The following LRP1B variants were observed in gnomAD, a reference collection of about 807,000 sequenced individuals.
The protein encoded by LRP1B is low-density lipoprotein receptor-related protein 1B.
In LRP1B, 217 loss-of-function variants were observed where a neutral mutation model predicts 556.6. The ratio of observed to expected loss-of-function variants is 0.39; its 90% CI spans 0.35 to 0.44. The LOEUF (loss-of-function observed/expected upper bound fraction) is 0.44, where lower values mean the gene tolerates loss of function less well. Ranked by LOEUF, LRP1B falls within the 20% of genes least tolerant of loss-of-function variation. LRP1B has a pLI of 1.00. For missense variants in LRP1B, 5,053 were observed against 5,620.8 expected, an observed-to-expected ratio of 0.90 and a Z score of 3.23; for synonymous variants, 2,047 against 1,865.8, an observed-to-expected ratio of 1.10 and a Z score of -2.50.
At chr2:141,993,723 G>C (rs1480786692) in intron 1 of LRP1B, among the ~76,000 whole-genome samples, 1 of 152,086 alleles carries the variant, frequency 6.6e-6, no homozygotes, top group Non-Finnish European at 1.5e-5. Context: ...TATAGGTGAA[G>C]GTCTTCCTAA....
intron 18 of LRP1B, among the ~76,000 whole-genome samples, chr2:140,977,723 C>G (rs189948911): frequency 6.6e-6 from 1 of 152,144 alleles, no homozygotes; most frequent in Admixed American, 6.5e-5. Context: ...GAAATGGGGC[C>G]CAGCACTCTG....
intron 2 of LRP1B, among the ~76,000 whole-genome samples, chr2:141,770,027 G>A (rs148021981): frequency 6.6e-6 from 1 of 152,244 alleles, no homozygotes; most frequent in Non-Finnish European, 1.5e-5. Flanking sequence ...ACCTATTAAA[G>A]GACGGCATGA....
Position 142,114,568 on chromosome 2 carries a change from T to C in LRP1B, c.82+16080A>G, listed in dbSNP as rs546201587. Among the ~76,000 whole-genome samples the C allele has an allele frequency of 7.9e-5, 12 of 152,218 alleles. No homozygotes were observed. The South Asian group carries it at 1.0e-3, about 13-fold the overall frequency. ...AACAAAATGTGGTACATATACACAA[T>C]GAAATATTATTCGGTCATGAAAAAT... On this transcript the variant is annotated intron_variant, in intron 1 of 90. Coordinates refer to ENST00000389484, the MANE Select transcript of LRP1B (RefSeq NM_018557.3).
chr2:141,080,139 T>C (rs924455547), intron 7 of LRP1B, among the ~76,000 whole-genome samples: 9 of 152,222 alleles, frequency 5.9e-5, no homozygotes, highest in Admixed American at 1.3e-4. Flanking sequence ...GCAAATAGAT[T>C]GGGCACATAG....
chr2:140,708,078 A>G (rs535407688), intron 37 of LRP1B, among the ~76,000 whole-genome samples: 8 of 152,206 alleles, frequency 5.3e-5, no homozygotes, highest in African/African-American at 1.7e-4. Context: ...GTACCCTCAT[A>G]AAGTCCATTG....
intron 7 of LRP1B, among the ~76,000 whole-genome samples, chr2:141,092,676 T>C (rs933920216): frequency 6.6e-6 from 1 of 152,164 alleles, no homozygotes; most frequent in African/African-American, 2.4e-5. Context: ...GAAGCTGTGA[T>C]GGTACAGCTA....
At chr2:141,071,531 G>A (rs1459761373) in intron 7 of LRP1B, among the ~76,000 whole-genome samples, 2 of 152,116 alleles carry the variant, frequency 1.3e-5, no homozygotes, top group African/African-American at 2.4e-5. Context: ...AGGAAATAAA[G>A]GGTATTCAAT....
chr2:140,398,622 A>G (rs1487139175), intron 66 of LRP1B, among the ~76,000 whole-genome samples: 1 of 152,036 alleles, frequency 6.6e-6, no homozygotes, highest in East Asian at 1.9e-4. Flanking sequence ...CAACTCCTAG[A>G]CTCAGGCAAT....
chr2:141,078,529 G>A (rs766170682), intron 7 of LRP1B, among the ~76,000 whole-genome samples: 5 of 152,138 alleles, frequency 3.3e-5, no homozygotes, highest in Non-Finnish European at 5.9e-5. Flanking sequence ...GCTGGAAGTG[G>A]TTGATGGCTT....
At chr2:141,357,368 T>C (rs140921016) in intron 3 of LRP1B, among the ~76,000 whole-genome samples, 31 of 152,202 alleles carry the variant, frequency 2.0e-4, no homozygotes, top group Non-Finnish European at 3.8e-4. Context: ...AGAGCTTTGA[T>C]AAGAAATACC....
At chr2:141,104,647 A>T (rs1392521531) in intron 7 of LRP1B, among the ~76,000 whole-genome samples, 2 of 152,134 alleles carry the variant, frequency 1.3e-5, no homozygotes, top group African/African-American at 2.4e-5. Flanking sequence ...AAAATTGAAC[A>T]GCAATGTAAA....
intron 3 of LRP1B, among the ~76,000 whole-genome samples, chr2:141,447,297 T>C (rs779710251): frequency 2.6e-5 from 4 of 152,022 alleles, no homozygotes; most frequent in Non-Finnish European, 4.4e-5. Flanking sequence ...CTGGTTATTC[T>C]AGTTAGCAAC....
intron 33 of LRP1B, among the ~76,000 whole-genome samples, chr2:140,772,072 T>C (rs1689332030): frequency 6.6e-6 from 1 of 152,208 alleles, no homozygotes; most frequent in South Asian, 2.1e-4. Context: ...CATTCGCTGC[T>C]CATGTCCTGT....
At chr2:140,338,388 A>C (rs923308088) in intron 77 of LRP1B, among the ~76,000 whole-genome samples, 1 of 151,776 alleles carries the variant, frequency 6.6e-6, no homozygotes, top group African/African-American at 2.4e-5. Context: ...ATAACAAAAC[A>C]AAAGACAATA....
At chr2:141,001,206 A>G (rs1697412058) in intron 15 of LRP1B, among the ~76,000 whole-genome samples, 1 of 152,092 alleles carries the variant, frequency 6.6e-6, no homozygotes, top group African/African-American at 2.4e-5. Context: ...TGTTGACATT[A>G]TCATAAGGGA....
intron 32 of LRP1B, among the ~76,000 whole-genome samples, chr2:140,801,923 C>T (rs759597712): frequency 5.3e-5 from 8 of 151,846 alleles, no homozygotes; most frequent in Non-Finnish European, 1.0e-4. Context: ...GAAAGGAAAA[C>T]AAACGACAAC....
chr2:140,241,255 G>A (rs1266375123), intron 87 of LRP1B, among the ~76,000 whole-genome samples: 3 of 150,786 alleles, frequency 2.0e-5, no homozygotes, highest in African/African-American at 7.3e-5. Flanking sequence ...AGCTTGGATG[G>A]TAATTAACAC....
intron 41 of LRP1B, among the ~76,000 whole-genome samples, chr2:140,678,792 G>T (rs565407499): frequency 3.8e-4 from 56 of 145,594 alleles, no homozygotes; most frequent in African/African-American, 1.0e-3. Context: ...TTTTTGGTTG[G>T]GGGGGAATGG....
At chr2:141,066,125 A>G (rs1189735021) in intron 7 of LRP1B, among the ~76,000 whole-genome samples, 1 of 152,002 alleles carries the variant, frequency 6.6e-6, no homozygotes, top group Non-Finnish European at 1.5e-5. Flanking sequence ...AACTGTCTCT[A>G]TTTCTAAGAT....
Sources: gnomAD v4.1 joint callset for allele counts (sites outside exome capture counted in the v4.1 genomes callset) on GRCh38, gnomAD v4.1.1 for gene constraint, MANE v1.5 for transcripts, NCBI Gene and HGNC (gene_info 2026-07-23, HGNC 2026-07-21) for gene names.